Variants in CCDC32 observed in about 807,000 individuals in gnomAD.
CCDC32 encodes the protein coiled-coil domain containing 32.
Under a neutral mutation model 20.1 loss-of-function variants are expected in CCDC32, and 9 were observed. That is an observed-to-expected ratio of 0.45 (90% CI 0.27 to 0.78). The LOEUF (loss-of-function observed/expected upper bound fraction) is 0.78, where lower values mean the gene tolerates loss of function less well. Among genes scored for constraint, CCDC32 ranks in the 30% least tolerant of loss-of-function variants. CCDC32 has a pLI of 0.16. For synonymous variants in CCDC32, 63 were observed against 79.0 expected (o/e 0.80, Z 1.07); for missense variants, 204 against 215.5 (o/e 0.95, Z 0.33).
At chr15:40,556,392 A>G (rs1890239378) in intron 3 of CCDC32, among the ~76,000 whole-genome samples, 1 of 152,236 alleles carries the variant, frequency 6.6e-6, no homozygotes, top group South Asian at 2.1e-4. Context: ...TCTGCCCTCA[A>G]GTAGTTTTGA....
chr15:40,541,667 G>A (rs1020500044), intron 3 of CCDC32, among the ~76,000 whole-genome samples: 6 of 152,122 alleles, frequency 3.9e-5, no homozygotes, highest in East Asian at 1.9e-4. Flanking sequence ...ATCCCAGGGC[G>A]ACAGCCCTAA....
chr15:40,564,920 G>A (rs1432580067), intron 1 of CCDC32, 56 bp downstream of exon 1: 22 of 1,073,280 alleles, frequency 2.0e-5, no homozygotes, highest in Non-Finnish European at 3.0e-5. Flanking sequence ...GTATTCCGGG[G>A]CCGGGCCAGA....
At chr15:40,539,766 G>C (rs1237239256) in intron 3 of CCDC32, among the ~76,000 whole-genome samples, 1 of 151,732 alleles carries the variant, frequency 6.6e-6, no homozygotes, top group Admixed American at 6.6e-5. Context: ...TTGTTGGCCA[G>C]GCTGTTCCTC....
intron 2 of CCDC32, chr15:40,557,843 A>G (rs1369955234): frequency 6.6e-6 from 1 of 152,638 alleles, no homozygotes; most frequent in Non-Finnish European, 1.5e-5. Flanking sequence ...AAATGATGAA[A>G]GATCCAACGG....
Position 40,553,871 on chromosome 15 carries a change from C to A in CCDC32, c.*100G>T. ...TCCCTGCTGCTGTCACTGAGCTCCA[C>A]GCTGCTCGCTCTGGACCCGAGACAG... On this transcript the variant is annotated 3_prime_UTR_variant, in exon 4 of 4. Transcript: ENST00000416810. 1 of 1,482,446 alleles carries A rather than the reference C, an allele frequency of 6.7e-7. No homozygotes were observed. Among genetic ancestry groups the A allele is most frequent in the South Asian group, 1.4e-5 (1 of 73,000 alleles). The allele number at this position is 1,482,446 out of a possible 1,614,324, so 91.8% of individuals were successfully genotyped here.
chr15:40,521,116 G>A, the CCDC32 span, among the ~76,000 whole-genome samples: 1 of 152,186 alleles, frequency 6.6e-6, no homozygotes, highest in Admixed American at 6.6e-5. Context: ...TGGTCTTGCT[G>A]TCTTGGGGTG....
chr15:40,545,341 C>T (rs947997420), intron 3 of CCDC32, among the ~76,000 whole-genome samples: 3 of 151,954 alleles, frequency 2.0e-5, no homozygotes, highest in East Asian at 1.9e-4. Flanking sequence ...CACACATACA[C>T]ACACACACAC....
chr15:40,539,257 G>A, exon 4 of CCDC32: 1 of 1,535,618 alleles, frequency 6.5e-7, no homozygotes, highest in Admixed American at 2.0e-5. Context: ...CTGCTGGGCT[G>A]GAAATGTCCT....
At chr15:40,538,225 G>A (rs1317828159), downstream of CCDC32, 1 of 152,170 alleles carries the variant, frequency 6.6e-6, no homozygotes, top group Admixed American at 6.5e-5. Context: ...TGTCTTTCCT[G>A]AAGGTAGATT....
intron 1 of CCDC32, among the ~76,000 whole-genome samples, chr15:40,564,162 C>T (rs1348410952): frequency 1.3e-5 from 2 of 152,152 alleles, no homozygotes; most frequent in Non-Finnish European, 2.9e-5. Flanking sequence ...AAGGTCTTTC[C>T]ACAGTTCCAT....
At chr15:40,559,063 CA>C (rs1232889926) in intron 2 of CCDC32, among the ~76,000 whole-genome samples, 2 of 151,680 alleles carry the variant, frequency 1.3e-5, no homozygotes, top group Non-Finnish European at 2.9e-5. Context: ...CTCGGCCTCC[CA>C]AATTGCTCTC....
At chr15:40,538,230 T>C (rs185494814), downstream of CCDC32, 2 of 152,134 alleles carry the variant, frequency 1.3e-5, no homozygotes, top group African/African-American at 4.8e-5. Flanking sequence ...TTCCTGAAGG[T>C]AGATTTTCAG....
At chr15:40,557,517 A>G (rs1300079170) in intron 2 of CCDC32, 145 bp from the exon 3 acceptor site, 3 of 712,038 alleles carry the variant, frequency 4.2e-6, no homozygotes, top group African/African-American at 1.8e-5. Flanking sequence ...TTTTAAGGAC[A>G]GATAAAAGGG....
At chr15:40,555,514 A>G (rs1187521276) in intron 3 of CCDC32, among the ~76,000 whole-genome samples, 1 of 152,180 alleles carries the variant, frequency 6.6e-6, no homozygotes, top group Non-Finnish European at 1.5e-5. Flanking sequence ...CTGCATCTTC[A>G]AATCTCCTAT....
chr15:40,539,669 C>T (rs987834495), intron 3 of CCDC32, among the ~76,000 whole-genome samples: 3 of 152,186 alleles, frequency 2.0e-5, no homozygotes, highest in Admixed American at 2.0e-4. Flanking sequence ...GCTGCCCCTG[C>T]TCCCATCCCA....
At chr15:40,552,649 C>G (rs900078049), downstream of CCDC32, among the ~76,000 whole-genome samples, 1 of 151,352 alleles carries the variant, frequency 6.6e-6, no homozygotes, top group Non-Finnish European at 1.5e-5. Context: ...GTGGTTTGCA[C>G]CTGTAATTCC....
At chr15:40,530,488 CCTCTCTCTCT>C (rs896502252), downstream of CCDC32, among the ~76,000 whole-genome samples, 1 of 139,420 alleles carries the variant, frequency 7.2e-6, no homozygotes, top group Non-Finnish European at 1.6e-5. Context: ...TCTCTCTCTC[CCTCTCTCTCT>C]CTCTCTGGTT....
intron 3 of CCDC32, among the ~76,000 whole-genome samples, chr15:40,541,253 C>T (rs887930408): frequency 6.6e-6 from 1 of 152,212 alleles, no homozygotes. Flanking sequence ...GAGCAAACCT[C>T]AACCAATGAA....
chr15:40,562,622 G>C (rs1166481536), intron 2 of CCDC32, 150 bp downstream of exon 2: 2 of 831,994 alleles, frequency 2.4e-6, no homozygotes, highest in East Asian at 2.5e-5. Flanking sequence ...CAAGGAAAAG[G>C]GGGCTGCTTC....
Sources: allele counts gnomAD v4.1 joint callset (sites outside exome capture counted in the v4.1 genomes callset), GRCh38; gene constraint gnomAD v4.1.1; transcripts MANE v1.5; gene names NCBI Gene and HGNC (gene_info 2026-07-23, HGNC 2026-07-21).